CYLD: variants seen among roughly 807,000 people sequenced by gnomAD.
The protein encoded by CYLD is CYLD lysine 63 deubiquitinase.
In CYLD, 26 loss-of-function variants were observed where a neutral mutation model predicts 104.5. The ratio of observed to expected loss-of-function variants is 0.25; its 90% CI spans 0.18 to 0.35. The LOEUF (loss-of-function observed/expected upper bound fraction) is 0.35. Among genes scored for constraint, CYLD ranks in the 10% least tolerant of loss-of-function variants. CYLD has a pLI of 1.00. For missense variants in CYLD, 703 were observed against 1,136.1 expected (o/e 0.62, Z 5.48); for synonymous variants, 385 against 399.9 (o/e 0.96, Z 0.45).
chr16:50,791,783 G>C (rs1326733700), intron 15 of CYLD, 93 bp downstream of exon 15: 1 of 1,420,696 alleles, frequency 7.0e-7, no homozygotes, highest in African/African-American at 1.4e-5. Flanking sequence ...TTAACTAGCT[G>C]AGAAAAGTTT....
Position 50,776,165 on chromosome 16 carries a change from G to A in CYLD, c.923-14G>A, listed in dbSNP as rs777600334. On this transcript the variant is annotated splice_polypyrimidine_tract_variant and intron_variant, in intron 6 of 18. Coordinates refer to ENST00000427738, the MANE Select transcript of CYLD (RefSeq NM_001378743.1). Reference sequence around the variant, plus strand: ...ATTTGCCTTTATCTTTAAAAAACATGCTTACTGTTTCAGAGAGTGTGACGC... The same window carrying A: ...ATTTGCCTTTATCTTTAAAAAACATACTTACTGTTTCAGAGAGTGTGACGC... 4 of 1,578,748 alleles carry A rather than the reference G, an allele frequency of 2.5e-6. No homozygotes were observed. The highest frequency in any genetic ancestry group is 2.6e-6 in the Non-Finnish European group (3 of 1,148,160).
At chr16:50,777,972 G>A in intron 8 of CYLD, 31 bp downstream of exon 8, 1 of 1,216,092 alleles carries the variant, frequency 8.2e-7, no homozygotes, top group Non-Finnish European at 1.2e-6. Flanking sequence ...TCTTTATAAT[G>A]ATCCTTTCTT....
chr16:50,779,823 A>G lies in CYLD; in HGVS notation c.1297A>G (p.Ile433Val), dbSNP rs760202447. The stretch of plus-strand genomic sequence containing the variant: ...CAAGATGCCCAATACCAATGGAAGT[A>G]TTGGCCACAGTCCACTTTCTCTGTC... ...LTKMPNTNGS[I>V]GHSPLSLSAQ... is the part of the protein sequence containing the mutation. Residue 433 changes from isoleucine (I) to valine (V), a missense_variant, in exon 9 of 19, where the codon ATT becomes GTT. By Grantham distance (29) the Ile-to-Val change is conservative (BLOSUM62 3). Coordinates refer to ENST00000427738, the MANE Select transcript of CYLD (RefSeq NM_001378743.1). 6.2e-7 allele frequency: 1 copy of G among 1,613,686 alleles called. No individual in the cohort carries two copies.
chr16:50,743,561 T>C (rs1265590391), intron 2 of CYLD, among the ~76,000 whole-genome samples: 1 of 152,244 alleles, frequency 6.6e-6, no homozygotes, highest in Non-Finnish European at 1.5e-5. Context: ...TTTTATAGTC[T>C]GGCACACCTA....
intron 14 of CYLD, among the ~76,000 whole-genome samples, chr16:50,789,101 G>A (rs1473730277): frequency 2.6e-5 from 4 of 152,140 alleles, no homozygotes; most frequent in Non-Finnish European, 4.4e-5. Context: ...TATAAGCTAC[G>A]AAGGCAAAGC....
chr16:50,793,760 C>T, intron 17 of CYLD, 96 bp downstream of exon 17: 1 of 868,676 alleles, frequency 1.2e-6, no homozygotes, highest in Non-Finnish European at 2.0e-6. Flanking sequence ...TTTTTAAAAT[C>T]ATAATTAACG....
intron 5 of CYLD, among the ~76,000 whole-genome samples, chr16:50,764,652 T>C (rs374715713): frequency 2.0e-5 from 3 of 152,358 alleles, no homozygotes; most frequent in East Asian, 1.9e-4. Context: ...CTATTTTTAC[T>C]GTGTAACTAG....
At position 50,794,020 on chromosome 16, in the gene CYLD, G is replaced by A. The variant is rs1039754994; in HGVS notation, c.2470-192G>A. ...TCGGCCCACTGCAACCTCCGCCTCC[G>A]GGATTTAAATGATTCTCCTGCCTCA... On this transcript the variant is annotated intron_variant, in intron 17 of 18. Coordinates refer to ENST00000427738, the MANE Select transcript of CYLD (RefSeq NM_001378743.1). This position sits in a 1 kb window ranked among gnomAD's most constrained non-coding sequence, Gnocchi z 4.1. Among the ~76,000 whole-genome samples the A allele has an allele frequency of 2.7e-5, 4 of 149,524 alleles. No individual in the cohort carries two copies. Among genetic ancestry groups the A allele is most frequent in the Non-Finnish European group, 4.4e-5 (3 of 67,572 alleles).
At chr16:50,795,653 G>A (rs1301304291) in intron 18 of CYLD, 4 of 702,248 alleles carry the variant, frequency 5.7e-6, no homozygotes, top group Non-Finnish European at 1.0e-5. Flanking sequence ...CCTAGATCAA[G>A]AGTTCTCCAC....
rs192317768 is a variant in CYLD at position 50,799,817 on chromosome 16, T to C, written c.*3309T>C. 8 of 233,122 alleles carry C rather than the reference T, an allele frequency of 3.4e-5. No homozygotes were observed. In the Admixed American group the frequency reaches 3.9e-4, roughly 11 times the overall value. 14.4% of individuals were successfully genotyped at this position (233,122 alleles called of 1,614,324 possible). ...GATAATTTTGCATCTGCTTGGATGA[T>C]TGTAGACTGAGATGTGAGTGGAGGA... On this transcript the variant is annotated 3_prime_UTR_variant, in exon 19 of 19. Coordinates refer to ENST00000427738, the MANE Select transcript of CYLD (RefSeq NM_001378743.1).
intron 12 of CYLD, chr16:50,785,467 T>C (rs1487941813): frequency 6.6e-6 from 1 of 152,232 alleles, no homozygotes; most frequent in Non-Finnish European, 1.5e-5. Context: ...TCTTACTCTT[T>C]AAGATAATTG....
chr16:50,791,101 C>T (rs1158693830), intron 14 of CYLD, among the ~76,000 whole-genome samples: 1 of 152,216 alleles, frequency 6.6e-6, no homozygotes, highest in African/African-American at 2.4e-5. Context: ...CCCTAGATCT[C>T]AGCGCCTTCA....
intron 9 of CYLD, among the ~76,000 whole-genome samples, chr16:50,781,040 G>C (rs557544305): frequency 6.6e-6 from 1 of 152,282 alleles, no homozygotes; most frequent in East Asian, 1.9e-4. Flanking sequence ...CTTCATGCTG[G>C]ATTAAGGAAG....
intron 18 of CYLD, chr16:50,795,622 C>T (rs1162229580): frequency 1.4e-6 from 1 of 702,844 alleles, no homozygotes; most frequent in Non-Finnish European, 2.6e-6. Context: ...CTGTGGCAGC[C>T]TCTTGAACAG....
chr16:50,783,947 T>A, intron 11 of CYLD: 1 of 280,348 alleles, frequency 3.6e-6, no homozygotes, highest in East Asian at 8.7e-5. Context: ...AGTGCTTGCC[T>A]CGGGAAGTCG....
chr16:50,755,593 C>T (rs1463714889), intron 5 of CYLD, among the ~76,000 whole-genome samples: 1 of 152,130 alleles, frequency 6.6e-6, no homozygotes, highest in African/African-American at 2.4e-5. Context: ...GGTGGTATCA[C>T]ATTGTGGTTT....
intron 4 of CYLD, among the ~76,000 whole-genome samples, chr16:50,752,647 C>G (rs181341652): frequency 1.6e-3 from 240 of 152,346 alleles, no homozygotes; most frequent in Middle Eastern, 0.014. Context: ...AACCGAAACT[C>G]TGTGCCTGTT....
chr16:50,760,642 T>C (rs1474947412), intron 5 of CYLD, among the ~76,000 whole-genome samples: 1 of 152,210 alleles, frequency 6.6e-6, no homozygotes, highest in Non-Finnish European at 1.5e-5. Flanking sequence ...TTTTATAGTG[T>C]ATAATTTTCC....
rs547703189 is a variant in CYLD, at chr16:50,771,819, T to G, written c.914-3347T>G. Among the ~76,000 whole-genome samples, 13 of 152,314 alleles carry G rather than the reference T, an allele frequency of 8.5e-5. No homozygotes were observed. The South Asian group carries it at 1.9e-3, about 22-fold the overall frequency. ...ATCACTATTTGTTGAAAAGACTCTT[T>G]CTTCCATTGAATTATTTTTCTACCT... On this transcript the variant is annotated intron_variant, in intron 5 of 18. Transcript: ENST00000427738.
Sources: allele counts gnomAD v4.1 joint callset (sites outside exome capture counted in the v4.1 genomes callset), GRCh38; gene constraint gnomAD v4.1.1; non-coding constraint Gnocchi (gnomAD v3.1); transcripts MANE v1.5; gene names NCBI Gene and HGNC (gene_info 2026-07-23, HGNC 2026-07-21).